The following CTNNA2 variants were observed in gnomAD, a reference collection of about 807,000 sequenced individuals.
The protein encoded by CTNNA2 is catenin alpha 2, also known as catenin alpha-2.
A neutral mutation model predicts 101.0 loss-of-function variants in CTNNA2; 42 were observed. The observed-to-expected ratio is 0.42, with a 90% confidence interval of 0.32 to 0.54. The LOEUF is 0.54. Ranked by LOEUF, CTNNA2 falls within the 20% of genes least tolerant of loss-of-function variation. The pLI is 0.14. For synonymous variants in CTNNA2, 450 were observed against 456.4 expected, an observed-to-expected ratio of 0.99 and a Z score of 0.18; for missense variants, 871 against 1,223.1, an observed-to-expected ratio of 0.71 and a Z score of 4.29.
intron 3 of CTNNA2, among the ~76,000 whole-genome samples, chr2:79,852,180 A>T (rs999638068): frequency 6.6e-6 from 1 of 152,222 alleles, no homozygotes; most frequent in Non-Finnish European, 1.5e-5. Context: ...TGTAGCTATT[A>T]TGTGTGAAAA....
chr2:80,014,057 A>G (rs7570709), intron 7 of CTNNA2, among the ~76,000 whole-genome samples: 85,307 of 152,104 alleles, frequency 0.56, 26,222 homozygotes, highest in East Asian at 0.72. Context: ...AAAATTTTCT[A>G]CCATAGAAGA....
chr2:80,270,364 G>A lies in CTNNA2; in HGVS notation c.1057-122847G>A, dbSNP rs574977659. Among the ~76,000 whole-genome samples the A allele has an allele frequency of 2.0e-5, 3 of 152,204 alleles. No individual in the cohort carries two copies. The East Asian group carries it at 5.8e-4, about 29-fold the overall frequency. ...AAGATGGAAAAGACAAGCCTTAGAG[G>A]TTTCTTGATGTACTAAAAGGCTTTC... On this transcript the variant is annotated intron_variant, in intron 7 of 18. Coordinates refer to ENST00000402739, the MANE Select transcript of CTNNA2 (RefSeq NM_001282597.3).
chr2:80,626,796 T>C (rs1671731789), intron 18 of CTNNA2, among the ~76,000 whole-genome samples: 1 of 152,034 alleles, frequency 6.6e-6, no homozygotes, highest in African/African-American at 2.4e-5. Context: ...ACATATGCCA[T>C]GGTGGTTTGC....
chr2:79,961,890 A>T (rs568866849), intron 7 of CTNNA2, among the ~76,000 whole-genome samples: 1 of 151,318 alleles, frequency 6.6e-6, no homozygotes, highest in Non-Finnish European at 1.5e-5. Flanking sequence ...AGTGATTCAG[A>T]TGGACCTTTC....
chr2:80,393,078 G>T (rs1056033271), intron 7 of CTNNA2, 133 bp from the exon 8 acceptor site: 50 of 609,088 alleles, frequency 8.2e-5, no homozygotes, highest in Admixed American at 3.1e-4. Context: ...TCATGTTATA[G>T]TTATGTATTG....
chr2:80,576,914 C>G (rs755852820), intron 13 of CTNNA2, among the ~76,000 whole-genome samples: 1 of 151,592 alleles, frequency 6.6e-6, no homozygotes, highest in Non-Finnish European at 1.5e-5. Context: ...TACAGTTTAA[C>G]TTCACGTCTC....
At chr2:80,569,342 T>C (rs1573305524) in intron 12 of CTNNA2, among the ~76,000 whole-genome samples, 1 of 152,148 alleles carries the variant, frequency 6.6e-6, no homozygotes, top group African/African-American at 2.4e-5. Flanking sequence ...ATAGCTAGAA[T>C]TCAAAAGTTT....
At chr2:80,133,635 GA>G (rs1208557868) in intron 7 of CTNNA2, among the ~76,000 whole-genome samples, 1 of 152,082 alleles carries the variant, frequency 6.6e-6, no homozygotes, top group East Asian at 1.9e-4. Context: ...CATGTGTATA[GA>G]AAAAAATTGT....
At chr2:79,321,153 A>C (rs112342006) in intron 3 of CTNNA2, among the ~76,000 whole-genome samples, 188 of 152,246 alleles carry the variant, frequency 1.2e-3, no homozygotes, top group Middle Eastern at 3.4e-3. Flanking sequence ...TTTAATAATC[A>C]CACCAACTTT....
intron 4 of CTNNA2, among the ~76,000 whole-genome samples, chr2:79,449,982 C>T (rs1232461348): frequency 3.9e-5 from 6 of 151,966 alleles, no homozygotes; most frequent in Admixed American, 3.9e-4. Flanking sequence ...ATTCCAGTTT[C>T]TTCCAGTACT....
intron 7 of CTNNA2, among the ~76,000 whole-genome samples, chr2:79,923,351 G>A (rs1686801191): frequency 6.6e-6 from 1 of 152,030 alleles, no homozygotes; most frequent in African/African-American, 2.4e-5. Flanking sequence ...AGCCATTTCT[G>A]TACAGAGATC....
In CTNNA2 at chr2:80,355,234, T is replaced by C. The variant is rs902789154; in HGVS notation, c.1057-37977T>C. ...AATATTCTCAGCTAAAAAGCAAAAA[T>C]GTTGACTTTACAGACTCTCCTCCGG... On this transcript the variant is annotated intron_variant, in intron 7 of 18. Coordinates refer to ENST00000402739, the MANE Select transcript of CTNNA2 (RefSeq NM_001282597.3). Among the ~76,000 whole-genome samples the C allele has an allele frequency of 5.3e-5, 8 of 152,120 alleles. No individual in the cohort carries two copies. In the South Asian group the frequency reaches 6.2e-4, roughly 12 times the overall value.
intron 3 of CTNNA2, among the ~76,000 whole-genome samples, chr2:79,801,616 C>A (rs1676165256): frequency 6.6e-6 from 1 of 152,134 alleles, no homozygotes; most frequent in Admixed American, 6.5e-5. Flanking sequence ...TGTTAATTTC[C>A]TTGGTTCTTG....
At chr2:80,489,056 G>C (rs1249861747) in intron 9 of CTNNA2, among the ~76,000 whole-genome samples, 1 of 152,156 alleles carries the variant, frequency 6.6e-6, no homozygotes. Context: ...CCAGAGAACT[G>C]CATTTACTTC....
chr2:79,441,111 C>A (rs1678773236), intron 4 of CTNNA2, among the ~76,000 whole-genome samples: 1 of 152,128 alleles, frequency 6.6e-6, no homozygotes, highest in Non-Finnish European at 1.5e-5. Flanking sequence ...CAGAATGGAG[C>A]AGTTCACTTC....
At chr2:79,530,726 G>A (rs1480049786) in intron 1 of CTNNA2, among the ~76,000 whole-genome samples, 1 of 152,106 alleles carries the variant, frequency 6.6e-6, no homozygotes, top group Non-Finnish European at 1.5e-5. Flanking sequence ...TAGTATTGAA[G>A]AGTCAGTGTG....
Position 79,658,106 on chromosome 2 carries a change from G to T in CTNNA2, c.102+6448G>T, listed in dbSNP as rs186372698. Among the ~76,000 whole-genome samples, 547 of 151,854 alleles carry T rather than the reference G, an allele frequency of 3.6e-3. 5 individuals are homozygous for T. Among genetic ancestry groups the T allele is most frequent in the African/African-American group, 0.013 (522 of 41,472 alleles). On this transcript the variant is annotated intron_variant, in intron 2 of 18. Coordinates refer to ENST00000402739, the MANE Select transcript of CTNNA2 (RefSeq NM_001282597.3). ...TTCTTTATAATTGAAAAATTATAAG[G>T]TCAATTATTTTTTTCTGTATGAAGT...
At chr2:79,411,687 G>A (rs1678412886) in intron 4 of CTNNA2, among the ~76,000 whole-genome samples, 1 of 152,008 alleles carries the variant, frequency 6.6e-6, no homozygotes, top group African/African-American at 2.4e-5. Context: ...TTACAGACAA[G>A]CAACTGCTGA....
At chr2:80,513,501 G>C (rs1362890865) in intron 9 of CTNNA2, among the ~76,000 whole-genome samples, 1 of 152,178 alleles carries the variant, frequency 6.6e-6, no homozygotes, top group Non-Finnish European at 1.5e-5. Flanking sequence ...TTCCTCAAGA[G>C]AGAATCTGTG....
Sources: allele counts gnomAD v4.1 joint callset (sites outside exome capture counted in the v4.1 genomes callset), GRCh38; gene constraint gnomAD v4.1.1; transcripts MANE v1.5; gene names NCBI Gene and HGNC (gene_info 2026-07-23, HGNC 2026-07-21).